The following NECAB1 variants were observed in gnomAD, a reference collection of about 807,000 sequenced individuals.
The protein encoded by NECAB1 is N-terminal EF-hand calcium-binding protein 1.
In NECAB1, 29 loss-of-function variants were observed where a neutral mutation model predicts 57.5. The ratio of observed to expected loss-of-function variants is 0.50; its 90% CI spans 0.38 to 0.69. NECAB1 has a LOEUF of 0.69. NECAB1 is among the 30% of genes least tolerant of loss of function. The pLI, the probability that NECAB1 is intolerant of heterozygous loss-of-function variation, is 0.00. For synonymous variants in NECAB1, 142 were observed against 147.7 expected, an observed-to-expected ratio of 0.96 and a Z score of 0.28; for missense variants, 372 against 413.8, an observed-to-expected ratio of 0.90 and a Z score of 0.88.
chr8:90,869,397 G>A (rs1466351717), intron 3 of NECAB1, among the ~76,000 whole-genome samples: 2 of 152,160 alleles, frequency 1.3e-5, no homozygotes, highest in Non-Finnish European at 2.9e-5. Context: ...GAGTTTCACT[G>A]TGTAACTGGA....
intron 2 of NECAB1, among the ~76,000 whole-genome samples, chr8:90,822,006 A>T (rs1294943034): frequency 6.6e-6 from 1 of 151,916 alleles, no homozygotes; most frequent in Non-Finnish European, 1.5e-5. Context: ...ATTTTTAAGT[A>T]AAGCAGAGGA....
At chr8:90,862,111 A>G (rs1405771420) in intron 3 of NECAB1, among the ~76,000 whole-genome samples, 2 of 152,216 alleles carry the variant, frequency 1.3e-5, no homozygotes, top group East Asian at 3.8e-4. Flanking sequence ...GTAGAAAACA[A>G]TGTAGCTATT....
chr8:90,848,399 T>G (rs1812609012), intron 3 of NECAB1, among the ~76,000 whole-genome samples: 2 of 152,170 alleles, frequency 1.3e-5, no homozygotes, highest in South Asian at 4.1e-4. Context: ...CCATCCAAAC[T>G]CTTACAACTT....
chr8:90,795,708 TCACACACACACACACACA>T (rs59863984), intron 1 of NECAB1, among the ~76,000 whole-genome samples: 4 of 147,878 alleles, frequency 2.7e-5, no homozygotes, highest in Admixed American at 6.8e-5. Context: ...CTCATCTCTC[TCACACACACACACACACA>T]CACACACACA....
chr8:90,831,128 G>T (rs983852900), intron 3 of NECAB1, among the ~76,000 whole-genome samples: 6 of 152,054 alleles, frequency 3.9e-5, no homozygotes, highest in Non-Finnish European at 5.9e-5. Context: ...CTCGCTGAGA[G>T]GCCAAGATGG....
intron 2 of NECAB1, among the ~76,000 whole-genome samples, chr8:90,816,378 A>G (rs1035396285): frequency 4.6e-5 from 7 of 151,864 alleles, no homozygotes; most frequent in African/African-American, 1.4e-4. Context: ...CCAATTTATT[A>G]ATTTTTCTTT....
intron 1 of NECAB1, among the ~76,000 whole-genome samples, chr8:90,798,691 A>G (rs1334054097): frequency 6.6e-6 from 1 of 152,130 alleles, no homozygotes; most frequent in East Asian, 1.9e-4. Context: ...TCTTTATCCA[A>G]TTGACCACTG....
intron 3 of NECAB1, among the ~76,000 whole-genome samples, chr8:90,852,267 T>C (rs1812697712): frequency 6.6e-6 from 1 of 152,100 alleles, no homozygotes; most frequent in South Asian, 2.1e-4. Context: ...TCCTTTAAAA[T>C]TACCACCACT....
At chr8:90,817,456 T>A (rs549562888) in intron 2 of NECAB1, among the ~76,000 whole-genome samples, 1 of 106,172 alleles carries the variant, frequency 9.4e-6, no homozygotes, top group South Asian at 2.6e-4. Context: ...AGCTATAGAT[T>A]TTTTTTGTAG....
In NECAB1 at chr8:90,833,400, C is replaced by G. The variant is rs1200230888; in HGVS notation, c.233+8575C>G. Reference sequence around the variant, plus strand: ...TTCATCTATTCCTCCCAAAAAAAAGCTTAAATTCTTTTTTTTTAATTTTAC... The same window carrying G: ...TTCATCTATTCCTCCCAAAAAAAAGGTTAAATTCTTTTTTTTTAATTTTAC... On this transcript the variant is annotated intron_variant, in intron 3 of 12. Coordinates refer to ENST00000417640, the MANE Select transcript of NECAB1 (RefSeq NM_022351.5). 2.7e-5 allele frequency among the ~76,000 whole-genome samples: 4 copies of G among 149,316 alleles called. No homozygotes were observed. The Admixed American group carries it at 2.7e-4, about 10-fold the overall frequency.
chr8:90,816,560 T>C (rs1240192715), intron 2 of NECAB1, among the ~76,000 whole-genome samples: 3 of 151,888 alleles, frequency 2.0e-5, no homozygotes, highest in Non-Finnish European at 3.0e-5. Flanking sequence ...CAGTGATTTA[T>C]GCACTATTTG....
At chr8:90,853,649 T>G (rs1812732578) in intron 3 of NECAB1, among the ~76,000 whole-genome samples, 1 of 152,250 alleles carries the variant, frequency 6.6e-6, no homozygotes, top group Non-Finnish European at 1.5e-5. Flanking sequence ...AATACAATAT[T>G]AAAATCTATA....
intron 3 of NECAB1, among the ~76,000 whole-genome samples, chr8:90,868,983 C>A (rs1467190979): frequency 6.6e-6 from 1 of 152,246 alleles, no homozygotes; most frequent in Non-Finnish European, 1.5e-5. Flanking sequence ...CCCTGCTGCT[C>A]TGTGCAGCCT....
chr8:90,917,487 C>G lies in NECAB1; in HGVS notation c.358-5C>G, dbSNP rs772943755. ...TTCTAATTGCATTTGTTTTGTCACC[C>G]TTAGGACTACCAAGAAGCCTCCAAT... On this transcript the variant is annotated splice_polypyrimidine_tract_variant and splice_region_variant and intron_variant, in intron 5 of 12. Coordinates refer to ENST00000417640, the MANE Select transcript of NECAB1 (RefSeq NM_022351.5). 1.2e-5 allele frequency: 19 copies of G among 1,604,642 alleles called. No homozygotes were observed. The highest frequency in any genetic ancestry group is 1.6e-5 in the Non-Finnish European group (19 of 1,174,790).
chr8:90,955,421 C>A, intron 12 of NECAB1, 66 bp from the exon 13 acceptor site: 1 of 1,169,752 alleles, frequency 8.5e-7, no homozygotes, highest in Non-Finnish European at 1.2e-6. Flanking sequence ...AAATAATTTG[C>A]ACCTTGAATG....
intron 3 of NECAB1, among the ~76,000 whole-genome samples, chr8:90,845,027 C>T (rs555152660): frequency 5.3e-5 from 8 of 152,176 alleles, no homozygotes; most frequent in Admixed American, 3.3e-4. Context: ...TTCCGGTTCA[C>T]GTCCAAAAGC....
intron 5 of NECAB1, among the ~76,000 whole-genome samples, chr8:90,898,472 G>A (rs190403608): frequency 6.6e-6 from 1 of 152,006 alleles, no homozygotes; most frequent in East Asian, 1.9e-4. Context: ...TGATATTTGG[G>A]GCCACCTAGA....
chr8:90,873,747 G>T (rs79842312), intron 4 of NECAB1, among the ~76,000 whole-genome samples: 2 of 152,260 alleles, frequency 1.3e-5, no homozygotes, highest in Non-Finnish European at 2.9e-5. Flanking sequence ...TATGTTGCCT[G>T]CCTATTGTCA....
chr8:90,831,008 T>G (rs1416951222), intron 3 of NECAB1, among the ~76,000 whole-genome samples: 1 of 152,072 alleles, frequency 6.6e-6, no homozygotes, highest in Non-Finnish European at 1.5e-5. Context: ...CAGAGATAGA[T>G]TTCATGTGTG....
Sources: gnomAD v4.1 joint callset for allele counts (sites outside exome capture counted in the v4.1 genomes callset) on GRCh38, gnomAD v4.1.1 for gene constraint, MANE v1.5 for transcripts, NCBI Gene and HGNC (gene_info 2026-07-23, HGNC 2026-07-21) for gene names.